Variants in ATXN1 observed in about 807,000 individuals in gnomAD.
ATXN1 encodes ataxin-1.
Under a neutral mutation model 56.4 loss-of-function variants are expected in ATXN1, and 8 were observed. The ratio of observed to expected loss-of-function variants is 0.14; its 90% confidence interval spans 0.08 to 0.26. ATXN1 has a LOEUF of 0.26. Among genes scored for constraint, ATXN1 ranks in the 10% least tolerant of loss-of-function variants. The probability of loss-of-function intolerance (pLI) is 1.00; values close to 1 mark genes in which losing one functional copy is unlikely to be tolerated. For missense variants in ATXN1, 987 were observed against 1,106.5 expected, an observed-to-expected ratio of 0.89 and a Z score of 1.53; for synonymous variants, 514 against 494.6, an observed-to-expected ratio of 1.04 and a Z score of -0.52.
At chr6:16,348,385 G>A (rs1364351689) in intron 6 of ATXN1, among the ~76,000 whole-genome samples, 1 of 152,120 alleles carries the variant, frequency 6.6e-6, no homozygotes, top group Non-Finnish European at 1.5e-5. Flanking sequence ...TCTAAGCTTT[G>A]ATTTCCTCTT....
At chr6:16,594,157 A>C (rs866307869) in intron 3 of ATXN1, among the ~76,000 whole-genome samples, 4 of 146,998 alleles carry the variant, frequency 2.7e-5, no homozygotes, top group Admixed American at 6.8e-5. Flanking sequence ...ATATTAGACT[A>C]ATATATATAT....
Position 16,667,936 on chromosome 6 carries a change from C to T in ATXN1, c.-614-10035G>A, listed in dbSNP as rs551764034. Among the ~76,000 whole-genome samples, 70 of 152,284 alleles carry T rather than the reference C, an allele frequency of 4.6e-4. 1 individual carries two copies. In the South Asian group the frequency reaches 8.5e-3, roughly 18 times the overall value. On this transcript the variant is annotated intron_variant, in intron 2 of 7. Transcript: ENST00000436367. ...TATAACCACTGCAGCTCACTCTTTC[C>T]CCAAAGTGCCTCGGGCCAGGACTCC... is the stretch of plus-strand genomic sequence containing the variant.
At chr6:16,319,468 G>T (rs1043427547) in intron 7 of ATXN1, among the ~76,000 whole-genome samples, 1 of 152,190 alleles carries the variant, frequency 6.6e-6, no homozygotes, top group African/African-American at 2.4e-5. Flanking sequence ...AATAGTTGAT[G>T]CATAAGGGAT....
chr6:16,591,963 T>C (rs1762730768), intron 3 of ATXN1, among the ~76,000 whole-genome samples: 1 of 152,220 alleles, frequency 6.6e-6, no homozygotes, highest in African/African-American at 2.4e-5. Context: ...ATAGTCATGC[T>C]GCGCATTTTC....
intron 6 of ATXN1, among the ~76,000 whole-genome samples, chr6:16,453,552 T>C (rs1486864285): frequency 1.3e-5 from 2 of 152,240 alleles, no homozygotes; most frequent in African/African-American, 4.8e-5. Flanking sequence ...TGAACTTTAC[T>C]GAAATGTATG....
chr6:16,509,230 C>G (rs1213588033), intron 5 of ATXN1, among the ~76,000 whole-genome samples: 1 of 152,216 alleles, frequency 6.6e-6, no homozygotes, highest in Non-Finnish European at 1.5e-5. Flanking sequence ...CCAGCTACCT[C>G]TCTCTGATGC....
rs188252154 is a variant in ATXN1, at chr6:16,580,755, C to T, written c.-361+5025G>A. 1.2e-3 allele frequency among the ~76,000 whole-genome samples: 179 copies of T among 152,206 alleles called. 1 individual carries two copies. Among genetic ancestry groups the T allele is most frequent in the African/African-American group, 4.2e-3 (173 of 41,528 alleles). ...ATCCAAAATAGTTTAAAAGCTACGC[C>T]TACATATAAAACACAATATACTCTT... On this transcript the variant is annotated intron_variant, in intron 4 of 7. Transcript: ENST00000436367.
chr6:16,562,971 G>A (rs148414448), intron 4 of ATXN1, among the ~76,000 whole-genome samples: 44 of 151,882 alleles, frequency 2.9e-4, no homozygotes, highest in African/African-American at 9.7e-4. Context: ...GAGAAGTCAG[G>A]GTAGAGAGGG....
chr6:16,442,846 T>C (rs6932102), intron 6 of ATXN1, among the ~76,000 whole-genome samples: 32,623 of 152,024 alleles, frequency 0.21, 3,554 homozygotes, highest in Middle Eastern at 0.26. Context: ...ACCCCGTCTC[T>C]ACCAAAAATC....
chr6:16,497,818 G>T (rs235153), intron 5 of ATXN1, among the ~76,000 whole-genome samples: 7,489 of 152,102 alleles, frequency 0.049, 346 homozygotes, highest in South Asian at 0.16. Context: ...TGAATGGAAG[G>T]GCTGGAAAGG....
chr6:16,515,323 C>A (rs2113688562), intron 5 of ATXN1, among the ~76,000 whole-genome samples: 1 of 152,272 alleles, frequency 6.6e-6, no homozygotes, highest in East Asian at 1.9e-4. Context: ...ACATCCCCAA[C>A]TTGTTGAAAA....
chr6:16,306,422 T>A lies in ATXN1; in HGVS notation c.2355A>T (p.Ser785=). The A allele has an allele frequency of 6.2e-7, 1 of 1,614,240 alleles. No homozygotes were observed. The highest frequency in any genetic ancestry group is 8.5e-7 in the Non-Finnish European group (1 of 1,180,042). Residue 785 remains serine (S), a synonymous_variant, in exon 8 of 8, where the codon TCA becomes TCT. Coordinates refer to ENST00000436367, the MANE Select transcript of ATXN1 (RefSeq NM_001128164.2). This position sits in a 1 kb window ranked among gnomAD's most constrained non-coding sequence, Gnocchi z 5.2. The part of the protein sequence containing the change: ...SAPESRKLEK[S]EDEPPLTLPK... ...GAAGAGTCAAAGGTGGTTCGTCTTC[T>A]GACTTCTCCAGTTTGCGGCTCTCTG...
intron 6 of ATXN1, among the ~76,000 whole-genome samples, chr6:16,333,515 C>T (rs899984955): frequency 2.6e-5 from 4 of 152,152 alleles, no homozygotes; most frequent in African/African-American, 9.7e-5. Context: ...TATATAAACT[C>T]CTAAAAATAC....
rs762585009 is a variant in ATXN1, at chr6:16,306,632, G to C, written c.2145C>G (p.Gly715=). The C allele has an allele frequency of 1.2e-6, 2 of 1,614,222 alleles. No individual in the cohort carries two copies. The highest frequency in any genetic ancestry group is 2.2e-5 in the South Asian group (2 of 91,088). Reference sequence around the variant, plus strand: ...CATACCTGTGTCTGCTGCCCGCCAGGCCGTCGGCCTTTGAGTGCTTCAGCA... The same window carrying C: ...CATACCTGTGTCTGCTGCCCGCCAGCCCGTCGGCCTTTGAGTGCTTCAGCA... ...SVLLKHSKAD[G]LAGSRHRYAE... is the part of the protein sequence containing the mutation. Residue 715 remains glycine, a synonymous_variant, in exon 8 of 8, where the codon GGC becomes GGG. Coordinates refer to ENST00000436367, the MANE Select transcript of ATXN1 (RefSeq NM_001128164.2). The surrounding 1 kb of genome is among the most constrained non-coding windows in gnomAD (Gnocchi z 5.2).
At chr6:16,376,359 C>T (rs971779874) in intron 6 of ATXN1, among the ~76,000 whole-genome samples, 53 of 152,196 alleles carry the variant, frequency 3.5e-4, no homozygotes, top group African/African-American at 1.2e-3. Context: ...AAGCAATGCT[C>T]ACTTGGGGTG....
intron 2 of ATXN1, among the ~76,000 whole-genome samples, chr6:16,741,944 G>GA (rs1760354191): frequency 1.3e-5 from 2 of 152,190 alleles, no homozygotes; most frequent in African/African-American, 4.8e-5. Flanking sequence ...TGTTCCTTCT[G>GA]AAGAGTAGAG....
intron 6 of ATXN1, among the ~76,000 whole-genome samples, chr6:16,446,234 T>A (rs904149736): frequency 6.6e-6 from 1 of 152,096 alleles, no homozygotes; most frequent in Non-Finnish European, 1.5e-5. Context: ...TGTGAGATGG[T>A]ATCTCATTGT....
At chr6:16,571,023 C>T (rs1341350123) in intron 4 of ATXN1, among the ~76,000 whole-genome samples, 1 of 152,154 alleles carries the variant, frequency 6.6e-6, no homozygotes, top group Non-Finnish European at 1.5e-5. Context: ...GGCCTGATTT[C>T]CCAATCCTTA....
At chr6:16,638,764 T>C (rs1260425123) in intron 3 of ATXN1, among the ~76,000 whole-genome samples, 1 of 152,350 alleles carries the variant, frequency 6.6e-6, no homozygotes, top group Non-Finnish European at 1.5e-5. Context: ...TGAATTCCAA[T>C]ATGTGGCTTT....
Sources: allele counts gnomAD v4.1 joint callset (sites outside exome capture counted in the v4.1 genomes callset), GRCh38; gene constraint gnomAD v4.1.1; non-coding constraint Gnocchi (gnomAD v3.1); transcripts MANE v1.5; gene names NCBI Gene and HGNC (gene_info 2026-07-23, HGNC 2026-07-21).